The following ATAD2B variants were observed in gnomAD, a reference collection of about 807,000 sequenced individuals.
ATAD2B encodes the protein ATPase family AAA domain containing 2B, also known as ATPase family AAA domain-containing protein 2B.
Under a neutral mutation model 167.6 loss-of-function variants are expected in ATAD2B, and 40 were observed. The observed-to-expected ratio is 0.24, with a 90% CI of 0.19 to 0.31. The LOEUF (loss-of-function observed/expected upper bound fraction) is 0.31, where lower values mean the gene tolerates loss of function less well. Among genes scored for constraint, ATAD2B ranks in the 10% least tolerant of loss-of-function variants. ATAD2B has a pLI of 1.00. For missense variants in ATAD2B, 1,242 were observed against 1,757.2 expected (o/e 0.71, Z 5.24); for synonymous variants, 579 against 596.5 (o/e 0.97, Z 0.43).
At chr2:23,703,187 T>C in the ATAD2B span, 2 of 1,441,230 alleles carry the variant, frequency 1.4e-6, no homozygotes, top group Non-Finnish European at 1.8e-6. Context: ...CTCCTGCAGG[T>C]ACGACACCAT....
the ATAD2B span, among the ~76,000 whole-genome samples, chr2:23,739,878 A>G: frequency 1.8e-4 from 28 of 152,132 alleles, no homozygotes; most frequent in African/African-American, 5.5e-4. Flanking sequence ...TATCACCACC[A>G]ATCCCACAGA....
At chr2:23,725,975 T>G in the ATAD2B span, among the ~76,000 whole-genome samples, 2 of 151,716 alleles carry the variant, frequency 1.3e-5, no homozygotes, top group South Asian at 4.2e-4. Context: ...CTTAAAAAAA[T>G]AAAATGAGAG....
At chr2:23,825,210 C>T (rs1236876275) in intron 15 of ATAD2B, among the ~76,000 whole-genome samples, 3 of 148,492 alleles carry the variant, frequency 2.0e-5, no homozygotes, top group African/African-American at 5.0e-5. Context: ...TCCCAAAGTG[C>T]TGGTATTACA....
the ATAD2B span, among the ~76,000 whole-genome samples, chr2:23,725,471 G>A: frequency 1.3e-5 from 2 of 152,138 alleles, no homozygotes; most frequent in African/African-American, 2.4e-5. Flanking sequence ...TTATAACCTT[G>A]TCTAGTAGAG....
chr2:23,754,443 C>A, intron 26 of ATAD2B, 136 bp from the exon 27 acceptor site: 1 of 1,154,798 alleles, frequency 8.7e-7, no homozygotes. Context: ...GATTTGAGGG[C>A]TTAAAATCAT....
chr2:23,852,492 T>C (rs1049963847), intron 13 of ATAD2B, among the ~76,000 whole-genome samples: 1 of 152,114 alleles, frequency 6.6e-6, no homozygotes, highest in African/African-American at 2.4e-5. Context: ...TTAAGAGTAA[T>C]TACAGATCAA....
At position 23,758,026 on chromosome 2, in the gene ATAD2B, A is replaced by G; in HGVS notation, c.3470T>C (p.Leu1157Ser). 6.2e-7 allele frequency: 1 copy of G among 1,609,030 alleles called. No homozygotes were observed. Among genetic ancestry groups the G allele is most frequent in the Non-Finnish European group, 8.5e-7 (1 of 1,178,442 alleles). Reference sequence around the variant, plus strand: ...TTTGGTGTCTTCTTCATCTTTTTTTAAATTATTAACTTTCCTTTTCTTAAT... The same window carrying G: ...TTTGGTGTCTTCTTCATCTTTTTTTGAATTATTAACTTTCCTTTTCTTAAT... ...GIIKKRKVNNLKKDEEDTKFA... is the reference protein window; with the variant it reads ...GIIKKRKVNNSKKDEEDTKFA... The change falls in exon 25 of 28, where the codon TTA (leucine) becomes TCA (serine). Residue 1157 changes from leucine (L) to serine (S), a missense_variant. Physicochemically the swap from Leu to Ser is moderately radical, Grantham distance 145. This residue lies in a region of ATAD2B where 282 missense variants were observed against 346.8 expected (regional missense o/e 0.81). Transcript: ENST00000238789.
At chr2:23,831,409 G>C (rs1689059194) in intron 14 of ATAD2B, among the ~76,000 whole-genome samples, 1 of 152,148 alleles carries the variant, frequency 6.6e-6, no homozygotes, top group Non-Finnish European at 1.5e-5. Context: ...GAAATAGCAA[G>C]AGTCATGATA....
the ATAD2B span, chr2:23,685,226 T>C: frequency 6.2e-5 from 9 of 145,184 alleles, no homozygotes; most frequent in African/African-American, 2.1e-4. Flanking sequence ...ATGAGTCTTA[T>C]TGGTGCATGA....
intron 7 of ATAD2B, among the ~76,000 whole-genome samples, chr2:23,879,481 C>T (rs1397395152): frequency 6.6e-6 from 1 of 152,008 alleles, no homozygotes; most frequent in Non-Finnish European, 1.5e-5. Flanking sequence ...TGGTTGTACA[C>T]CTGTAGTTCT....
In ATAD2B at chr2:23,885,750, G is replaced by T. The variant is rs374966251; in HGVS notation, c.652C>A (p.Arg218=). 3 of 1,594,546 alleles carry T rather than the reference G, an allele frequency of 1.9e-6. No homozygotes were observed. The highest frequency in any genetic ancestry group is 1.3e-5 in the African/African-American group (1 of 74,716). ...NRRSGEVERL[R]MWTDTEFENM... ...ACAAATTCTGTATCTGTCCACATTC[G>T]AAGTCGTTCTACTTCTCCTGATCGA... The change falls in exon 5 of 28, where the codon CGA becomes AGA. Residue 218 remains arginine (R), a synonymous_variant. Transcript: ENST00000238789.
chr2:23,715,573 C>CA, the ATAD2B span, among the ~76,000 whole-genome samples: 447 of 139,476 alleles, frequency 3.2e-3, 2 homozygotes, highest in Middle Eastern at 0.033. Flanking sequence ...GACTCTGTCT[C>CA]AAAAAAAAAA....
intron 19 of ATAD2B, among the ~76,000 whole-genome samples, chr2:23,794,424 A>T (rs1179796331): frequency 6.6e-6 from 1 of 152,232 alleles, no homozygotes; most frequent in Non-Finnish European, 1.5e-5. Flanking sequence ...TGACTGAAGT[A>T]TATAATGAAA....
chr2:23,781,333 AAAATAAATAAATAAAT>A (rs57132440), intron 22 of ATAD2B, among the ~76,000 whole-genome samples: 52 of 144,558 alleles, frequency 3.6e-4, no homozygotes, highest in African/African-American at 6.3e-4. Context: ...TGACCACAAA[AAAATAAATAAATAAAT>A]AAATAAATAA....
intron 12 of ATAD2B, 47 bp downstream of exon 12, chr2:23,863,334 A>G: frequency 6.6e-7 from 1 of 1,516,802 alleles, no homozygotes. Context: ...GAAAGAAAAG[A>G]ACAGAACAGA....
intron 13 of ATAD2B, among the ~76,000 whole-genome samples, chr2:23,843,836 A>G (rs1691318082): frequency 6.6e-6 from 1 of 152,246 alleles, no homozygotes; most frequent in Non-Finnish European, 1.5e-5. Context: ...CTCATGATTC[A>G]AAGGTCATTG....
the ATAD2B span, among the ~76,000 whole-genome samples, chr2:23,734,922 G>A: frequency 6.6e-6 from 1 of 152,124 alleles, no homozygotes. Context: ...TCCAAGGGCA[G>A]ACACTGTGTT....
chr2:23,763,274 A>T lies in ATAD2B; in HGVS notation c.3257-928T>A, dbSNP rs1676982904. Among the ~76,000 whole-genome samples, 3 of 152,296 alleles carry T rather than the reference A, an allele frequency of 2.0e-5. No homozygotes were observed. The South Asian group carries it at 6.2e-4, about 32-fold the overall frequency. Reference sequence around the variant, plus strand: ...CCTGCGGCTACATCTCACTTATATTAATCTCTTCTAACTCCCTTCCTACTT... The same window carrying T: ...CCTGCGGCTACATCTCACTTATATTTATCTCTTCTAACTCCCTTCCTACTT... On this transcript the variant is annotated intron_variant, in intron 23 of 27. Coordinates refer to ENST00000238789, the MANE Select transcript of ATAD2B (RefSeq NM_017552.4).
At chr2:23,849,663 T>C (rs1324956314) in intron 13 of ATAD2B, among the ~76,000 whole-genome samples, 1 of 152,128 alleles carries the variant, frequency 6.6e-6, no homozygotes, top group Non-Finnish European at 1.5e-5. Context: ...ACCCCATCTC[T>C]ACAAAAATAC....
Sources: allele counts gnomAD v4.1 joint callset (sites outside exome capture counted in the v4.1 genomes callset), GRCh38; gene constraint gnomAD v4.1.1; regional missense constraint gnomAD v4.1.1; transcripts MANE v1.5; gene names NCBI Gene and HGNC (gene_info 2026-07-23, HGNC 2026-07-21).